The following STOX2 variants were observed in gnomAD, a reference collection of about 807,000 sequenced individuals.
STOX2 encodes the protein storkhead box 2.
In STOX2, 28 loss-of-function variants were observed where a neutral mutation model predicts 60.9. That is an observed-to-expected ratio of 0.46 (90% CI 0.34 to 0.63). The LOEUF (loss-of-function observed/expected upper bound fraction) is 0.63. STOX2 is among the 30% of genes least tolerant of loss of function. STOX2 has a pLI of 0.01. For synonymous variants in STOX2, 472 were observed against 463.9 expected (o/e 1.02, Z -0.22); for missense variants, 1,024 against 1,187.7 (o/e 0.86, Z 2.03).
At chr4:183,926,293 C>T (rs1222684700) in intron 1 of STOX2, among the ~76,000 whole-genome samples, 2 of 151,664 alleles carry the variant, frequency 1.3e-5, no homozygotes, top group African/African-American at 4.9e-5. Context: ...AAGATAAACA[C>T]TCAAAATGAT....
intron 1 of STOX2, among the ~76,000 whole-genome samples, chr4:183,875,885 T>G (rs1740817689): frequency 6.6e-6 from 1 of 152,178 alleles, no homozygotes; most frequent in African/African-American, 2.4e-5. Context: ...GCTGGGCTAA[T>G]TTTTTAAAAA....
chr4:183,838,734 G>A (rs1010994620), intron 1 of STOX2, among the ~76,000 whole-genome samples: 2 of 152,160 alleles, frequency 1.3e-5, no homozygotes, highest in African/African-American at 2.4e-5. Flanking sequence ...CCCACTTGGG[G>A]CACCCATTGT....
intron 1 of STOX2, among the ~76,000 whole-genome samples, chr4:183,926,448 A>G (rs1165507871): frequency 6.6e-6 from 1 of 152,174 alleles, no homozygotes; most frequent in African/African-American, 2.4e-5. Flanking sequence ...ACAACACCCA[A>G]TTCTCTGAGG....
At chr4:183,875,770 T>A (rs1341128795) in intron 1 of STOX2, among the ~76,000 whole-genome samples, 1 of 152,128 alleles carries the variant, frequency 6.6e-6, no homozygotes, top group Non-Finnish European at 1.5e-5. Context: ...CAGGCAGGAG[T>A]CAAGTGCCAT....
In STOX2 at chr4:183,874,918, C is replaced by T. The variant is rs1207936894; in HGVS notation, c.364+76863C>T. 1.4e-4 allele frequency among the ~76,000 whole-genome samples: 10 copies of T among 70,908 alleles called. No homozygotes were observed. In the Admixed American group the frequency reaches 1.5e-3, roughly 11 times the overall value. The allele number at this position is 70,908 out of a possible 152,430, so 46.5% of individuals were successfully genotyped here. On this transcript the variant is annotated intron_variant, in intron 1 of 2. Coordinates refer to the STOX2 transcript ENST00000513034. ...TCCAGCCTGGGCGATGGCGAGACTC[C>T]GCCTCAAAAAAAAAAAAAAAAAAAA...
rs1400358190 is a variant in STOX2, at chr4:184,019,635, T to C, written c.*2351T>C. On this transcript the variant is annotated 3_prime_UTR_variant, in exon 4 of 4. Transcript: ENST00000308497. ...TTACAGAAGACATTATTCAAATAAA[T>C]ATGTACACTATTTGCCTGATGCTAT... 1 of 152,218 alleles carries C rather than the reference T, an allele frequency of 6.6e-6. No individual in the cohort carries two copies. Among genetic ancestry groups the C allele is most frequent in the South Asian group, 2.1e-4 (1 of 4,832 alleles). The allele number at this position is 152,218 out of a possible 1,614,324, so 9.4% of individuals were successfully genotyped here. A position where few individuals can be genotyped will look rare whatever the true frequency, so the allele number is the denominator to read the frequency against.
At chr4:183,920,755 C>T (rs899615366) in intron 1 of STOX2, among the ~76,000 whole-genome samples, 1 of 152,090 alleles carries the variant, frequency 6.6e-6, no homozygotes, top group African/African-American at 2.4e-5. Flanking sequence ...GTTTCAAATG[C>T]CATTGTAATG....
chr4:183,848,868 G>A (rs558279006), intron 1 of STOX2, among the ~76,000 whole-genome samples: 2 of 152,364 alleles, frequency 1.3e-5, no homozygotes, highest in South Asian at 4.1e-4. Context: ...GCTGGAACAG[G>A]AGCCCGAAGT....
At chr4:184,004,853 T>C (rs1182316326) in intron 2 of STOX2, among the ~76,000 whole-genome samples, 1 of 152,234 alleles carries the variant, frequency 6.6e-6, no homozygotes, top group African/African-American at 2.4e-5. Flanking sequence ...CTGGTACCTG[T>C]TAAGCTGTTA....
intron 1 of STOX2, among the ~76,000 whole-genome samples, chr4:183,986,233 A>G (rs944253540): frequency 6.6e-6 from 1 of 152,276 alleles, no homozygotes; most frequent in Admixed American, 6.5e-5. Context: ...TCATCTGTAT[A>G]TGGCCTATTA....
chr4:183,961,356 T>TTGCTGCTGCTGCTGCTGCTGC (rs755147300), intron 1 of STOX2, among the ~76,000 whole-genome samples: 14 of 151,710 alleles, frequency 9.2e-5, no homozygotes, highest in African/African-American at 2.9e-4. Flanking sequence ...CAAGTGATGG[T>TTGCTGCTGCTGCTGCTGCTGC]TGCTGCTGCT....
Position 183,837,995 on chromosome 4 carries a change from A to G in STOX2, c.364+39940A>G, listed in dbSNP as rs188667291. On this transcript the variant is annotated intron_variant, in intron 1 of 2. Coordinates refer to the STOX2 transcript ENST00000513034. ...TTTACCTTGAGTTCTGAGATAGCAC[A>G]TATTCATTGTGGATTAGTTAGAAAA... 2.4e-3 allele frequency among the ~76,000 whole-genome samples: 367 copies of G among 152,272 alleles called. 4 individuals carry two copies. Among genetic ancestry groups the G allele is most frequent in the Middle Eastern group, 0.02 (6 of 294 alleles).
At chr4:183,894,972 T>G (rs1741308002) in intron 1 of STOX2, among the ~76,000 whole-genome samples, 1 of 152,196 alleles carries the variant, frequency 6.6e-6, no homozygotes, top group Non-Finnish European at 1.5e-5. Context: ...ATTCTAGCAA[T>G]GCAAAGATTT....
chr4:183,965,605 A>T (rs1163341239), intron 1 of STOX2, among the ~76,000 whole-genome samples: 1 of 152,158 alleles, frequency 6.6e-6, no homozygotes, highest in Non-Finnish European at 1.5e-5. Flanking sequence ...AAAAATAGGG[A>T]TGCAATTGAT....
At chr4:183,860,942 A>G (rs866681032) in intron 1 of STOX2, among the ~76,000 whole-genome samples, 1 of 152,164 alleles carries the variant, frequency 6.6e-6, no homozygotes, top group East Asian at 1.9e-4. Context: ...CAGTGCCGCC[A>G]TTAGTTGTTT....
At chr4:183,798,718 C>T (rs1738691236) in intron 1 of STOX2, 2 of 985,386 alleles carry the variant, frequency 2.0e-6, no homozygotes, top group Non-Finnish European at 2.4e-6. Flanking sequence ...AAATCTGATC[C>T]TCAACAAAAG....
intron 1 of STOX2, among the ~76,000 whole-genome samples, chr4:183,812,972 G>A (rs28495437): frequency 0.27 from 41,796 of 152,158 alleles, 6,737 homozygotes; most frequent in African/African-American, 0.45. Flanking sequence ...TACCATTTAT[G>A]TGATCAATTA....
At chr4:183,975,069 A>G (rs1007269132) in intron 1 of STOX2, among the ~76,000 whole-genome samples, 2 of 152,180 alleles carry the variant, frequency 1.3e-5, no homozygotes, top group Non-Finnish European at 2.9e-5. Context: ...ATACTAGGAA[A>G]TTAAACAACC....
intron 1 of STOX2, among the ~76,000 whole-genome samples, chr4:183,931,392 C>T (rs1224758070): frequency 1.3e-5 from 2 of 152,110 alleles, no homozygotes; most frequent in East Asian, 1.9e-4. Flanking sequence ...CCACCGTACT[C>T]CAGCCTGGGC....
Sources: gnomAD v4.1 joint callset for allele counts (sites outside exome capture counted in the v4.1 genomes callset) on GRCh38, gnomAD v4.1.1 for gene constraint, MANE v1.5 for transcripts, NCBI Gene and HGNC (gene_info 2026-07-23, HGNC 2026-07-21) for gene names.